The following WWP2 variants were observed in gnomAD, a reference collection of about 807,000 sequenced individuals.
WWP2 encodes the protein NEDD4-like E3 ubiquitin-protein ligase WWP2.
WWP2 carries 57 observed loss-of-function variants against 121.0 expected under a neutral mutation model. The observed-to-expected ratio is 0.47, with a 90% CI of 0.38 to 0.59. WWP2 has a LOEUF of 0.59. Ranked by LOEUF, WWP2 falls within the 20% of genes least tolerant of loss-of-function variation. WWP2 has a pLI of 0.00. For synonymous variants in WWP2, 449 were observed against 441.3 expected, an observed-to-expected ratio of 1.02 and a Z score of -0.22; for missense variants, 962 against 1,158.9, an observed-to-expected ratio of 0.83 and a Z score of 2.47.
At chr16:69,852,652 G>A (rs1254409916) in intron 6 of WWP2, among the ~76,000 whole-genome samples, 1 of 146,108 alleles carries the variant, frequency 6.8e-6, no homozygotes, top group Non-Finnish European at 1.5e-5. Context: ...CAGGTCCTTT[G>A]CCCATTTTAA....
intron 1 of WWP2, 74 bp downstream of exon 1, chr16:69,762,465 C>T (rs1173350886): frequency 7.5e-6 from 1 of 132,636 alleles, no homozygotes; most frequent in African/African-American, 2.7e-5. Context: ...GCGGGCGGCG[C>T]GGGGTGGGCC....
intron 9 of WWP2, among the ~76,000 whole-genome samples, chr16:69,911,808 A>G (rs2058382658): frequency 6.6e-6 from 1 of 152,188 alleles, no homozygotes; most frequent in African/African-American, 2.4e-5. Context: ...CAATAAAGGG[A>G]TGGAAGAGGA....
chr16:69,802,607 T>G (rs2056192332), intron 4 of WWP2, among the ~76,000 whole-genome samples: 1 of 146,398 alleles, frequency 6.8e-6, no homozygotes, highest in South Asian at 2.1e-4. Flanking sequence ...TCCTTTTGTT[T>G]TTTTTTTTTT....
chr16:69,916,017 T>C (rs2058474756), intron 9 of WWP2, among the ~76,000 whole-genome samples: 1 of 145,424 alleles, frequency 6.9e-6, no homozygotes, highest in Non-Finnish European at 1.5e-5. Context: ...TAGCCTGGAC[T>C]AACAGAGTGA....
chr16:69,909,585 T>G (rs1476448716), intron 9 of WWP2: 1 of 985,292 alleles, frequency 1.0e-6, no homozygotes, highest in Non-Finnish European at 1.2e-6. Context: ...TGAGTTTTCC[T>G]TTTTTCCGTA....
chr16:69,927,339 C>A (rs1042181807), intron 11 of WWP2, among the ~76,000 whole-genome samples: 7 of 152,110 alleles, frequency 4.6e-5, no homozygotes, highest in Non-Finnish European at 1.0e-4. Context: ...TCTCTGCTGC[C>A]CCAGGAGAGA....
chr16:69,808,591 A>G (rs1224881458), intron 4 of WWP2, among the ~76,000 whole-genome samples: 4 of 152,050 alleles, frequency 2.6e-5, no homozygotes, highest in Admixed American at 2.0e-4. Context: ...CAGCAGAGAC[A>G]GGGTTTCGCC....
chr16:69,833,085 T>C (rs2056820133), intron 4 of WWP2, among the ~76,000 whole-genome samples: 1 of 146,776 alleles, frequency 6.8e-6, no homozygotes, highest in Non-Finnish European at 1.5e-5. Flanking sequence ...TCTCAAACTC[T>C]TGGACTCAAG....
intron 2 of WWP2, among the ~76,000 whole-genome samples, chr16:69,788,698 T>G (rs1033903373): frequency 1.6e-4 from 25 of 152,196 alleles, no homozygotes; most frequent in Non-Finnish European, 5.9e-5. Context: ...TCAGCCCTTG[T>G]CCCTGTTTAA....
chr16:69,872,638 A>G (rs569722691), intron 7 of WWP2, among the ~76,000 whole-genome samples: 53 of 152,332 alleles, frequency 3.5e-4, no homozygotes, highest in African/African-American at 1.3e-3. Context: ...AGGACTAAGT[A>G]TTGTTGCTAA....
At chr16:69,857,692 C>T (rs192492610) in intron 6 of WWP2, among the ~76,000 whole-genome samples, 2,200 of 107,966 alleles carry the variant, frequency 0.02, 61 homozygotes, top group African/African-American at 0.073. Flanking sequence ...GACAGGGTTT[C>T]GCTCTGTCAC....
chr16:69,881,093 A>G (rs577862437), intron 7 of WWP2, among the ~76,000 whole-genome samples: 1 of 152,268 alleles, frequency 6.6e-6, no homozygotes, highest in South Asian at 2.1e-4. Context: ...TGAAATACCC[A>G]AGGTTATAGA....
chr16:69,789,181 C>T (rs2055855667), intron 2 of WWP2, among the ~76,000 whole-genome samples: 1 of 152,104 alleles, frequency 6.6e-6, no homozygotes, highest in Admixed American at 6.5e-5. Flanking sequence ...TCTCAGCCTT[C>T]CAAGTAGCTG....
intron 8 of WWP2, among the ~76,000 whole-genome samples, chr16:69,893,722 T>G (rs554830806): frequency 1.3e-5 from 2 of 152,150 alleles, no homozygotes; most frequent in Non-Finnish European, 2.9e-5. Context: ...TTTGTATTTT[T>G]TAGTAGAGCC....
intron 6 of WWP2, among the ~76,000 whole-genome samples, chr16:69,866,746 C>T (rs985953540): frequency 6.6e-6 from 1 of 152,112 alleles, no homozygotes; most frequent in African/African-American, 2.4e-5. Context: ...GTGAATAATG[C>T]TGTTGTCTAC....
Position 69,925,335 on chromosome 16 carries a change from C to G in WWP2, c.1180-95C>G. ...CCTGCAAAGCGCTCAAATGTGGAAG[C>G]CAGTCATTGGCATTTTTATTTTTTA... On this transcript the variant is annotated intron_variant, in intron 10 of 23. Coordinates refer to ENST00000359154, the MANE Select transcript of WWP2 (RefSeq NM_001270454.2). This position sits in a 1 kb window ranked among gnomAD's most constrained non-coding sequence, Gnocchi z 4.0. 1 of 1,562,948 alleles carries G rather than the reference C, an allele frequency of 6.4e-7. No homozygotes were observed. The highest frequency in any genetic ancestry group is 1.8e-5 in the Admixed American group (1 of 55,656).
In WWP2 at chr16:69,917,886, G is replaced by A. The variant is rs2058499540; in HGVS notation, c.1179+3G>A. The A allele has an allele frequency of 6.2e-7, 1 of 1,609,726 alleles. No individual in the cohort carries two copies. The highest frequency in any genetic ancestry group is 8.5e-7 in the Non-Finnish European group (1 of 1,176,418). The stretch of plus-strand genomic sequence containing the variant: ...TCAGCCAAAGATTCCTCTACCAGGT[G>A]AGAGGGCAGGCGCTTGGCCCGAGGT... On this transcript the variant is annotated splice_donor_region_variant and intron_variant, in intron 10 of 23. Coordinates refer to ENST00000359154, the MANE Select transcript of WWP2 (RefSeq NM_001270454.2).
chr16:69,909,599 C>T (rs1201844131), intron 9 of WWP2: 3 of 985,194 alleles, frequency 3.0e-6, no homozygotes, highest in Admixed American at 6.2e-5. Context: ...TTCCGTACCT[C>T]CTGGAGGATG....
At chr16:69,910,623 C>G (rs2058366025) in intron 9 of WWP2, among the ~76,000 whole-genome samples, 1 of 152,150 alleles carries the variant, frequency 6.6e-6, no homozygotes, top group Non-Finnish European at 1.5e-5. Context: ...TTTGGCCAGG[C>G]TGGTCTTGAA....
Sources: allele counts gnomAD v4.1 joint callset (sites outside exome capture counted in the v4.1 genomes callset), GRCh38; gene constraint gnomAD v4.1.1; non-coding constraint Gnocchi (gnomAD v3.1); transcripts MANE v1.5; gene names NCBI Gene and HGNC (gene_info 2026-07-23, HGNC 2026-07-21).